The following PTPRD variants were observed in gnomAD, a reference collection of about 807,000 sequenced individuals.
PTPRD encodes the protein protein tyrosine phosphatase receptor type D.
PTPRD carries 34 observed loss-of-function variants against 214.5 expected under a neutral mutation model. The ratio of observed to expected loss-of-function variants is 0.16; its 90% CI spans 0.12 to 0.21. PTPRD has a LOEUF of 0.21. Ranked by LOEUF, PTPRD falls within the 10% of genes least tolerant of loss-of-function variation. The pLI is 1.00. For synonymous variants in PTPRD, 1,128 were observed against 845.7 expected, an observed-to-expected ratio of 1.33 and a Z score of -5.79; for missense variants, 2,545 against 2,398.7, an observed-to-expected ratio of 1.06 and a Z score of -1.27.
At chr9:8,923,962 T>C (rs913854678) in intron 11 of PTPRD, among the ~76,000 whole-genome samples, 3 of 152,224 alleles carry the variant, frequency 2.0e-5, no homozygotes, top group African/African-American at 4.8e-5. Context: ...TTAAACTGTA[T>C]TATACCATTT....
At chr9:8,958,197 T>G (rs574773483) in intron 11 of PTPRD, among the ~76,000 whole-genome samples, 1 of 152,002 alleles carries the variant, frequency 6.6e-6, no homozygotes, top group East Asian at 1.9e-4. Flanking sequence ...ATGGAAGAAG[T>G]TATGTATCTG....
At chr9:9,149,464 G>C (rs1458136774) in intron 10 of PTPRD, among the ~76,000 whole-genome samples, 1 of 152,120 alleles carries the variant, frequency 6.6e-6, no homozygotes, top group Non-Finnish European at 1.5e-5. Flanking sequence ...TTGCCTTCTG[G>C]ATCAGCTTCG....
intron 11 of PTPRD, among the ~76,000 whole-genome samples, chr9:8,774,816 G>A (rs1420454312): frequency 6.6e-6 from 1 of 152,122 alleles, no homozygotes; most frequent in East Asian, 1.9e-4. Flanking sequence ...TCACAGGCAT[G>A]AGCCACTGCG....
intron 14 of PTPRD, among the ~76,000 whole-genome samples, chr9:8,624,133 C>G (rs2095922833): frequency 6.6e-6 from 1 of 151,836 alleles, no homozygotes; most frequent in South Asian, 2.1e-4. Context: ...AAGCAATTGA[C>G]TACCTGGACC....
chr9:9,267,183 C>T (rs902673880), intron 9 of PTPRD, among the ~76,000 whole-genome samples: 1 of 150,968 alleles, frequency 6.6e-6, no homozygotes, highest in Non-Finnish European at 1.5e-5. Flanking sequence ...TCAGTTAATA[C>T]ATAAAGAGCA....
intron 14 of PTPRD, among the ~76,000 whole-genome samples, chr9:8,626,770 G>GTCT (rs1230721762): frequency 2.6e-5 from 4 of 151,654 alleles, no homozygotes; most frequent in African/African-American, 9.7e-5. Flanking sequence ...CTCTTCCTAG[G>GTCT]TCTTCAGCTT....
At chr9:9,378,624 G>A (rs2061404944) in intron 9 of PTPRD, among the ~76,000 whole-genome samples, 1 of 152,026 alleles carries the variant, frequency 6.6e-6, no homozygotes, top group Non-Finnish European at 1.5e-5. Flanking sequence ...CATTTTATAT[G>A]TCTACTAGTA....
chr9:9,183,493 A>G (rs1469573113), intron 9 of PTPRD, 130 bp from the exon 10 acceptor site: 1 of 152,060 alleles, frequency 6.6e-6, no homozygotes, highest in Non-Finnish European at 1.5e-5. Flanking sequence ...TAAGCTAGTT[A>G]ATGAGAAACT....
At chr9:9,230,741 T>G (rs1489156599) in intron 9 of PTPRD, among the ~76,000 whole-genome samples, 1 of 152,070 alleles carries the variant, frequency 6.6e-6, no homozygotes, top group Non-Finnish European at 1.5e-5. Context: ...GAAACAGTGT[T>G]TCTCCAGACT....
chr9:8,825,641 A>C (rs78745161), intron 11 of PTPRD, among the ~76,000 whole-genome samples: 1 of 152,118 alleles, frequency 6.6e-6, no homozygotes, highest in Non-Finnish European at 1.5e-5. Context: ...CGCAGTGTAA[A>C]GTGAAAGTAA....
intron 6 of PTPRD, among the ~76,000 whole-genome samples, chr9:9,742,669 C>T (rs1252598443): frequency 6.6e-6 from 1 of 151,988 alleles, no homozygotes; most frequent in African/African-American, 2.4e-5. Context: ...TTACAAAAAA[C>T]ATGGTATGTT....
intron 3 of PTPRD, among the ~76,000 whole-genome samples, chr9:10,185,179 C>T (rs1357507193): frequency 6.6e-6 from 1 of 152,106 alleles, no homozygotes; most frequent in African/African-American, 2.4e-5. Context: ...AAACTCTTTT[C>T]TATATGAGGT....
chr9:10,408,470 A>G (rs2098399792), intron 2 of PTPRD, among the ~76,000 whole-genome samples: 1 of 151,722 alleles, frequency 6.6e-6, no homozygotes. Context: ...AGTAACTTTC[A>G]ATGACTGCAC....
chr9:9,670,779 C>T (rs966309876), intron 7 of PTPRD, among the ~76,000 whole-genome samples: 6 of 152,142 alleles, frequency 3.9e-5, no homozygotes, highest in African/African-American at 1.2e-4. Flanking sequence ...GCACAGAAGT[C>T]AAGAACTGGG....
intron 3 of PTPRD, among the ~76,000 whole-genome samples, chr9:10,252,986 A>G (rs2065071): frequency 0.58 from 88,447 of 151,884 alleles, 27,656 homozygotes; most frequent in East Asian, 0.73. Flanking sequence ...GTTTCAACAT[A>G]TTGGCCAGAG....
intron 26 of PTPRD, 23 bp downstream of exon 26, chr9:8,497,219 C>T (rs954351985): frequency 2.5e-6 from 4 of 1,579,186 alleles, no homozygotes; most frequent in Non-Finnish European, 3.4e-6. Context: ...CTGCTTTTGA[C>T]AAAACAGTCA....
intron 7 of PTPRD, among the ~76,000 whole-genome samples, chr9:9,590,917 A>G (rs1428009578): frequency 1.3e-5 from 2 of 151,970 alleles, no homozygotes; most frequent in Non-Finnish European, 2.9e-5. Flanking sequence ...GTTTTGGAGG[A>G]ACAGAAGATG....
chr9:8,825,172 A>T (rs576298966), intron 11 of PTPRD, among the ~76,000 whole-genome samples: 10 of 152,252 alleles, frequency 6.6e-5, no homozygotes, highest in African/African-American at 2.4e-4. Flanking sequence ...GACCTGTTAG[A>T]AAGTGATATT....
chr9:9,538,689 A>G (rs896937803), intron 8 of PTPRD, among the ~76,000 whole-genome samples: 5 of 151,924 alleles, frequency 3.3e-5, no homozygotes, highest in African/African-American at 1.2e-4. Context: ...ATATTGATGC[A>G]TTTTTAAATC....
Sources: gnomAD v4.1 joint callset for allele counts (sites outside exome capture counted in the v4.1 genomes callset) on GRCh38, gnomAD v4.1.1 for gene constraint, MANE v1.5 for transcripts, NCBI Gene and HGNC (gene_info 2026-07-23, HGNC 2026-07-21) for gene names.